Variants in RTN3 observed in about 807,000 individuals in gnomAD.
RTN3 encodes reticulon-3.
A neutral mutation model predicts 77.8 loss-of-function variants in RTN3; 49 were observed. The ratio of observed to expected loss-of-function variants is 0.63; its 90% CI spans 0.50 to 0.80. RTN3 has a LOEUF of 0.80. Among genes scored for constraint, RTN3 ranks in the 30% least tolerant of loss-of-function variants. The pLI is 0.00. For synonymous variants in RTN3, 464 were observed against 446.9 expected, an observed-to-expected ratio of 1.04 and a Z score of -0.48; for missense variants, 1,236 against 1,211.9, an observed-to-expected ratio of 1.02 and a Z score of -0.29.
chr11:63,735,888 CATTT>C (rs1446947253), intron 3 of RTN3, among the ~76,000 whole-genome samples: 1 of 152,032 alleles, frequency 6.6e-6, no homozygotes, highest in Non-Finnish European at 1.5e-5. Flanking sequence ...GAACTTGGAA[CATTT>C]ATTTAAAGAC....
intron 3 of RTN3, among the ~76,000 whole-genome samples, chr11:63,724,484 CTTTTTTTTTTT>C: frequency 1.2e-5 from 1 of 81,806 alleles, no homozygotes; most frequent in Non-Finnish European, 2.4e-5. Context: ...GTGCCCGGCC[CTTTTTTTTTTT>C]TTTTTTTTTT....
chr11:63,734,083 C>T (rs2134979500), intron 3 of RTN3, among the ~76,000 whole-genome samples: 1 of 152,276 alleles, frequency 6.6e-6, no homozygotes, highest in South Asian at 2.1e-4. Context: ...GTCTAATAAA[C>T]AGCATCTGTT....
chr11:63,689,298 A>G (rs1332889935), intron 1 of RTN3, among the ~76,000 whole-genome samples: 1 of 152,244 alleles, frequency 6.6e-6, no homozygotes, highest in Non-Finnish European at 1.5e-5. Flanking sequence ...GAAGTTGCCC[A>G]GAAAACTGAC....
chr11:63,704,982 G>A, intron 2 of RTN3, 75 bp downstream of exon 2: 1 of 1,077,148 alleles, frequency 9.3e-7, no homozygotes, highest in Non-Finnish European at 1.4e-6. Context: ...GGGATACGAG[G>A]CACAAGTCTT....
intron 7 of RTN3, among the ~76,000 whole-genome samples, chr11:63,754,699 C>CAAAA (rs35847577): frequency 2.0e-4 from 10 of 48,836 alleles, no homozygotes; most frequent in African/African-American, 7.7e-4. Context: ...GACTCCATCT[C>CAAAA]AAAAAAAAAA....
At chr11:63,740,448 A>ATTTTTTTTTT (rs34045543) in intron 3 of RTN3, among the ~76,000 whole-genome samples, 1,283 of 120,476 alleles carry the variant, frequency 0.011, no homozygotes, top group Non-Finnish European at 0.016. Context: ...TGCCTGGCTA[A>ATTTTTTTTTT]TTTTTTTTTT....
chr11:63,694,268 C>T (rs890307343), intron 1 of RTN3, among the ~76,000 whole-genome samples: 46 of 151,940 alleles, frequency 3.0e-4, no homozygotes, highest in Non-Finnish European at 5.7e-4. Flanking sequence ...CCTCCGCCTC[C>T]CGGGTTCAAG....
chr11:63,712,032 C>T (rs893013716), intron 2 of RTN3, among the ~76,000 whole-genome samples: 19 of 152,226 alleles, frequency 1.2e-4, no homozygotes, highest in African/African-American at 4.3e-4. Flanking sequence ...TAGAACCTAG[C>T]ACAATTCTTA....
chr11:63,681,667 C>G lies in RTN3; in HGVS notation c.31C>G (p.His11Asp), dbSNP rs748486472. MAEPSAATQSHSISSSSFGAE... is the reference protein window; with the variant it reads MAEPSAATQSDSISSSSFGAE... ...GGAGCCGTCGGCGGCCACTCAGTCCCATTCCATCTCCTCGTCGTCCTTCGG... is the reference window on the plus strand; with the variant it reads ...GGAGCCGTCGGCGGCCACTCAGTCCGATTCCATCTCCTCGTCGTCCTTCGG... The change falls in exon 1 of 9, where the codon CAT becomes GAT. Residue 11 changes from histidine to aspartate, a missense_variant. His to Asp is a moderately conservative substitution (Grantham distance 81, BLOSUM62 -1). Transcript: ENST00000377819. 3 of 1,611,866 alleles carry G rather than the reference C, an allele frequency of 1.9e-6. No homozygotes were observed. Among genetic ancestry groups the G allele is most frequent in the Non-Finnish European group, 2.5e-6 (3 of 1,178,866 alleles).
intron 7 of RTN3, among the ~76,000 whole-genome samples, chr11:63,754,157 C>T (rs987882134): frequency 3.3e-5 from 5 of 152,146 alleles, no homozygotes; most frequent in Admixed American, 1.3e-4. Flanking sequence ...TGGCCTGCAC[C>T]TGTAGTCTAA....
chr11:63,681,725 G>A lies in RTN3; in HGVS notation c.89G>A (p.Ser30Asn). ...CCGTCCGCGCCCGGCGGCGGCGGGA[G>A]CCCAGGAGCCTGCCCCGCCCTGGGG... The part of the protein sequence containing the change: ...AEPSAPGGGG[S>N]PGACPALGTK... Residue 30 changes from serine to asparagine, a missense_variant, in exon 1 of 9, where the codon AGC (serine) becomes AAC (asparagine). Coordinates refer to ENST00000377819, the MANE Select transcript of RTN3 (RefSeq NM_001265589.2). 2 of 1,609,632 alleles carry A rather than the reference G, an allele frequency of 1.2e-6. No homozygotes were observed. The highest frequency in any genetic ancestry group is 1.7e-6 in the Non-Finnish European group (2 of 1,178,538).
intron 3 of RTN3, among the ~76,000 whole-genome samples, chr11:63,735,635 T>C (rs2134988833): frequency 7.2e-6 from 1 of 138,036 alleles, no homozygotes; most frequent in Admixed American, 7.7e-5. Flanking sequence ...GCTCAAGCCA[T>C]CCTCCCACCT....
chr11:63,703,774 C>T (rs1942363501), intron 1 of RTN3, among the ~76,000 whole-genome samples: 1 of 151,598 alleles, frequency 6.6e-6, no homozygotes, highest in Non-Finnish European at 1.5e-5. Flanking sequence ...GATCTCCTGA[C>T]CTCGTGATCC....
intron 1 of RTN3, among the ~76,000 whole-genome samples, chr11:63,698,332 C>G (rs1942068881): frequency 6.6e-6 from 1 of 151,996 alleles, no homozygotes; most frequent in East Asian, 1.9e-4. Context: ...CACCATGTTG[C>G]CCAGGCTGGT....
chr11:63,735,448 G>A (rs904199137), intron 3 of RTN3, among the ~76,000 whole-genome samples: 1 of 152,060 alleles, frequency 6.6e-6, no homozygotes, highest in African/African-American at 2.4e-5. Context: ...GAGGAGAGAG[G>A]TGCTATGTTC....
intron 3 of RTN3, among the ~76,000 whole-genome samples, chr11:63,726,720 G>C (rs964771596): frequency 6.6e-6 from 1 of 152,066 alleles, no homozygotes; most frequent in Non-Finnish European, 1.5e-5. Context: ...AATTAGCCGG[G>C]CACATTGGCA....
chr11:63,710,337 A>G (rs953535535), intron 2 of RTN3, among the ~76,000 whole-genome samples: 4 of 151,662 alleles, frequency 2.6e-5, no homozygotes, highest in Admixed American at 6.6e-5. Context: ...AGTCTTAGAC[A>G]TTGTAGTTTT....
At chr11:63,716,758 G>A (rs963125668) in intron 2 of RTN3, among the ~76,000 whole-genome samples, 2 of 152,132 alleles carry the variant, frequency 1.3e-5, no homozygotes, top group African/African-American at 4.8e-5. Flanking sequence ...GGGGTCAGGA[G>A]ATCGAGACCA....
chr11:63,708,167 C>T (rs1178127812), intron 2 of RTN3, among the ~76,000 whole-genome samples: 2 of 152,164 alleles, frequency 1.3e-5, no homozygotes, highest in Non-Finnish European at 2.9e-5. Flanking sequence ...AGTCCACTTC[C>T]ACACAGGCCT....
Sources: allele counts gnomAD v4.1 joint callset (sites outside exome capture counted in the v4.1 genomes callset), GRCh38; gene constraint gnomAD v4.1.1; transcripts MANE v1.5; gene names NCBI Gene and HGNC (gene_info 2026-07-23, HGNC 2026-07-21).